The following NMNAT2 variants were observed in gnomAD, a reference collection of about 807,000 sequenced individuals.
The protein encoded by NMNAT2 is nicotinamide nucleotide adenylyltransferase 2, also known as nicotinamide/nicotinic acid mononucleotide adenylyltransferase 2.
NMNAT2 carries 11 observed loss-of-function variants against 41.6 expected under a neutral mutation model. That is an observed-to-expected ratio of 0.26 (90% confidence interval 0.17 to 0.44). NMNAT2 has a LOEUF of 0.44. Among genes scored for constraint, NMNAT2 ranks in the 20% least tolerant of loss-of-function variants. NMNAT2 has a pLI of 1.00. For missense variants in NMNAT2, 288 were observed against 407.7 expected (o/e 0.71, Z 2.53); for synonymous variants, 148 against 151.2 (o/e 0.98, Z 0.16).
rs1660885393 is a variant in NMNAT2 at position 183,268,725 on chromosome 1, A to G, written c.652-7422T>C. On this transcript the variant is annotated intron_variant, in intron 8 of 10. Coordinates refer to ENST00000287713, the MANE Select transcript of NMNAT2 (RefSeq NM_015039.4). ...GCTTACCTTCAAGTAAGGAGAGATC[A>G]TAAACAAATAAATATATAAATAAGA... Among the ~76,000 whole-genome samples the G allele has an allele frequency of 2.6e-5, 4 of 152,356 alleles. No homozygotes were observed. In the South Asian group the frequency reaches 8.3e-4, roughly 32 times the overall value.
intron 1 of NMNAT2, among the ~76,000 whole-genome samples, chr1:183,365,261 T>C (rs933930227): frequency 5.9e-5 from 9 of 151,996 alleles, no homozygotes; most frequent in Non-Finnish European, 8.8e-5. Context: ...TCTTTCTCAG[T>C]GGTCGGAGGA....
At chr1:183,341,677 A>AG (rs1491584691) in intron 1 of NMNAT2, among the ~76,000 whole-genome samples, 1 of 70,896 alleles carries the variant, frequency 1.4e-5, no homozygotes, top group Non-Finnish European at 3.0e-5. Context: ...GTCAATAGAG[A>AG]AAAAAAAAAA....
chr1:183,329,573 T>C (rs757551230), intron 1 of NMNAT2, among the ~76,000 whole-genome samples: 19 of 152,194 alleles, frequency 1.2e-4, no homozygotes, highest in Non-Finnish European at 2.2e-4. Flanking sequence ...GCTAAGATCA[T>C]TATTCAAGCC....
chr1:183,303,585 C>T (rs998145096), intron 1 of NMNAT2, among the ~76,000 whole-genome samples: 2 of 152,122 alleles, frequency 1.3e-5, no homozygotes, highest in Non-Finnish European at 2.9e-5. Flanking sequence ...TCCTTTAGTC[C>T]CAGATCCTTT....
rs980284683 is a variant in NMNAT2 at position 183,371,924 on chromosome 1, C to G, written c.85+46259G>C. 3.9e-5 allele frequency among the ~76,000 whole-genome samples: 6 copies of G among 152,164 alleles called. No homozygotes were observed. In the South Asian group the frequency reaches 1.3e-3, roughly 32 times the overall value. On this transcript the variant is annotated intron_variant, in intron 1 of 10. Transcript: ENST00000287713. ...CCTCCTGAGTAGCTGGGACCACAGGCGTGCACCACCACAGCCAGCTAATTT... is the reference window on the plus strand; with the variant it reads ...CCTCCTGAGTAGCTGGGACCACAGGGGTGCACCACCACAGCCAGCTAATTT...
Position 183,252,434 on chromosome 1 carries a change from C to T in NMNAT2, c.*207G>A, listed in dbSNP as rs1215388880. The T allele has an allele frequency of 2.9e-6, 1 of 347,786 alleles. No homozygotes were observed. Among genetic ancestry groups the T allele is most frequent in the Admixed American group, 3.8e-5 (1 of 26,328 alleles). 21.5% of individuals were successfully genotyped at this position (347,786 alleles called of 1,614,324 possible). On this transcript the variant is annotated 3_prime_UTR_variant, in exon 11 of 11. Transcript: ENST00000287713. ...ACCCCATTCCCTCACCCACCCCCAA[C>T]CCGGAGACTAGAGGAAAGTCTGTCC...
intron 8 of NMNAT2, among the ~76,000 whole-genome samples, chr1:183,273,111 C>G (rs185504743): frequency 8.1e-4 from 124 of 152,348 alleles, no homozygotes; most frequent in Middle Eastern, 3.4e-3. Context: ...GCCAGCTGTT[C>G]GAACTGTGTT....
Position 183,284,039 on chromosome 1 carries a change from T to C in NMNAT2, c.530A>G (p.Asp177Gly). 1 of 1,612,424 alleles carries C rather than the reference T, an allele frequency of 6.2e-7. No homozygotes were observed. The highest frequency in any genetic ancestry group is 1.1e-5 in the South Asian group (1 of 91,008). Residue 177 changes from aspartate to glycine, a missense_variant and splice_region_variant, in exon 7 of 11, where the codon GAT becomes GGT. Asp to Gly is a moderately conservative substitution (Grantham distance 94, BLOSUM62 -1). Coordinates refer to ENST00000287713, the MANE Select transcript of NMNAT2 (RefSeq NM_015039.4). ...RPPVERFTFV[D>G]ENANLGTVMR... Reference sequence around the variant, plus strand: ...CACCGTGCCCAGATTGGCATTCTCATCTAAGGAGGAAAGAAGGAAGGTAGG... The same window carrying C: ...CACCGTGCCCAGATTGGCATTCTCACCTAAGGAGGAAAGAAGGAAGGTAGG...
At chr1:183,398,306 G>A (rs1282708721) in intron 1 of NMNAT2, among the ~76,000 whole-genome samples, 1 of 152,114 alleles carries the variant, frequency 6.6e-6, no homozygotes, top group South Asian at 2.1e-4. Flanking sequence ...GATCAAAAGA[G>A]ACAAAGAAGG....
intron 1 of NMNAT2, among the ~76,000 whole-genome samples, chr1:183,360,235 C>A (rs1663277567): frequency 6.6e-6 from 1 of 151,994 alleles, no homozygotes; most frequent in South Asian, 2.1e-4. Context: ...AAATATGAAG[C>A]CCAATTCATA....
At chr1:183,340,756 A>T (rs961924185) in intron 1 of NMNAT2, among the ~76,000 whole-genome samples, 1 of 152,336 alleles carries the variant, frequency 6.6e-6, no homozygotes. Context: ...GGGCTGACGA[A>T]ACATAATCCA....
intron 1 of NMNAT2, among the ~76,000 whole-genome samples, chr1:183,412,827 T>C (rs1477180223): frequency 1.3e-5 from 2 of 152,228 alleles, no homozygotes; most frequent in African/African-American, 4.8e-5. Context: ...GGGAATATGC[T>C]TTACTATCTC....
Position 183,283,476 on chromosome 1 carries a change from G to A in NMNAT2, c.574+519C>T, listed in dbSNP as rs7416858. The A allele has an allele frequency of 1.8e-3, 290 of 160,050 alleles. 1 individual carries two copies. The highest frequency in any genetic ancestry group is 6.0e-3 in the African/African-American group (251 of 41,668). 9.9% of individuals were successfully genotyped at this position (160,050 alleles called of 1,614,324 possible). A position where few individuals can be genotyped will look rare whatever the true frequency, so the allele number is the denominator to read the frequency against. ...GACAGCTGTGTAACCGCCCTCCACC[G>A]GCTCGGGCCTGCCCTGGCCTGCTCT... On this transcript the variant is annotated intron_variant, in intron 7 of 10. Coordinates refer to ENST00000287713, the MANE Select transcript of NMNAT2 (RefSeq NM_015039.4).
chr1:183,302,837 C>G (rs1661895903), intron 1 of NMNAT2, among the ~76,000 whole-genome samples: 1 of 152,146 alleles, frequency 6.6e-6, no homozygotes, highest in Non-Finnish European at 1.5e-5. Flanking sequence ...CTGGCTGACC[C>G]TGGAGCCTCT....
At chr1:183,407,178 CA>C (rs1175011952) in intron 1 of NMNAT2, among the ~76,000 whole-genome samples, 2 of 152,204 alleles carry the variant, frequency 1.3e-5, no homozygotes, top group Non-Finnish European at 2.9e-5. Flanking sequence ...ATGTCCCATG[CA>C]CCCGCCTGAA....
intron 1 of NMNAT2, among the ~76,000 whole-genome samples, chr1:183,417,653 C>A (rs74129795): frequency 6.6e-6 from 1 of 152,232 alleles, no homozygotes; most frequent in African/African-American, 2.4e-5. Context: ...GAATCACCAG[C>A]CAAATCCGAA....
intron 10 of NMNAT2, among the ~76,000 whole-genome samples, chr1:183,255,687 A>G (rs1660498503): frequency 7.3e-6 from 1 of 136,598 alleles, no homozygotes; most frequent in Non-Finnish European, 1.5e-5. Flanking sequence ...TTTTTCAGAC[A>G]GAGTCTCACT....
At chr1:183,279,593 C>T (rs949002687) in intron 7 of NMNAT2, among the ~76,000 whole-genome samples, 2 of 152,180 alleles carry the variant, frequency 1.3e-5, no homozygotes, top group African/African-American at 4.8e-5. Flanking sequence ...CTGCGGGCAG[C>T]CCTGCCTGCC....
intron 1 of NMNAT2, among the ~76,000 whole-genome samples, chr1:183,367,900 G>C (rs1031669586): frequency 2.6e-5 from 4 of 152,168 alleles, no homozygotes; most frequent in African/African-American, 4.8e-5. Context: ...CTAGAGCAAA[G>C]CTATTCAGAA....
Sources: allele counts gnomAD v4.1 joint callset (sites outside exome capture counted in the v4.1 genomes callset), GRCh38; gene constraint gnomAD v4.1.1; transcripts MANE v1.5; gene names NCBI Gene and HGNC (gene_info 2026-07-23, HGNC 2026-07-21).